The following NTM variants were observed in gnomAD, a reference collection of about 807,000 sequenced individuals.
NTM encodes IgLON family member 2.
In NTM, 13 loss-of-function variants were observed where a neutral mutation model predicts 42.1. The observed-to-expected ratio is 0.31, with a 90% CI of 0.20 to 0.49. The LOEUF is 0.49. NTM is among the 20% of genes least tolerant of loss of function. The pLI is 0.99. For missense variants in NTM, 373 were observed against 452.8 expected (o/e 0.82, Z 1.60); for synonymous variants, 187 against 179.2 (o/e 1.04, Z -0.35).
chr11:131,507,188 G>A (rs2047589496), intron 1 of NTM, among the ~76,000 whole-genome samples: 1 of 152,206 alleles, frequency 6.6e-6, no homozygotes, highest in African/African-American at 2.4e-5. Flanking sequence ...GGGAACCTAA[G>A]TTGAAATTTG....
At chr11:131,480,711 C>A (rs1953480974) in intron 1 of NTM, among the ~76,000 whole-genome samples, 1 of 152,030 alleles carries the variant, frequency 6.6e-6, no homozygotes, top group Non-Finnish European at 1.5e-5. Context: ...TCTAGCCATT[C>A]CTGAGTAAGG....
chr11:131,568,120 T>C (rs1358632728), intron 1 of NTM, among the ~76,000 whole-genome samples: 3 of 152,214 alleles, frequency 2.0e-5, no homozygotes, highest in Non-Finnish European at 4.4e-5. Context: ...GTTTCAGTGG[T>C]AAGGAAAGTA....
intron 1 of NTM, among the ~76,000 whole-genome samples, chr11:131,646,467 G>A (rs1054782639): frequency 1.3e-5 from 2 of 152,166 alleles, no homozygotes; most frequent in African/African-American, 4.8e-5. Context: ...AGTTTGAAAA[G>A]GAGATCCCCT....
chr11:132,232,602 C>A (rs1017845761), intron 4 of NTM, among the ~76,000 whole-genome samples: 1 of 152,180 alleles, frequency 6.6e-6, no homozygotes, highest in African/African-American at 2.4e-5. Flanking sequence ...TCTTAACAAA[C>A]CAATTAACTT....
In NTM at chr11:131,958,062, G is replaced by A. The variant is rs184818757; in HGVS notation, c.167+46414G>A. ...CGAGAGAATGTTTGATTTAAAGAGC[G>A]CCTAGATGCCGACACCACCTCTGTT... On this transcript the variant is annotated intron_variant, in intron 2 of 8. Coordinates refer to ENST00000683400, the MANE Select transcript of NTM (RefSeq NM_001352005.2). Among the ~76,000 whole-genome samples the A allele has an allele frequency of 3.4e-4, 51 of 152,238 alleles. 1 individual carries two copies. Among genetic ancestry groups the A allele is most frequent in the Admixed American group, 3.0e-3 (46 of 15,296 alleles).
chr11:131,673,642 G>A, intron 1 of NTM, among the ~76,000 whole-genome samples: 1 of 152,142 alleles, frequency 6.6e-6, no homozygotes, highest in East Asian at 1.9e-4. Context: ...CTGCAAAAAT[G>A]CTCTTCCATC....
In NTM at chr11:131,789,625, GA is replaced by G. The variant is rs1457766943; in HGVS notation, c.83-121937del. On this transcript the variant is annotated intron_variant, in intron 1 of 8. Coordinates refer to ENST00000683400, the MANE Select transcript of NTM (RefSeq NM_001352005.2). ...AGAAGAAGAAGAAGAAGAAGAAGAA[GA>G]AGAAGAAGAAAAGAAGAAGAAGAAG... Among the ~76,000 whole-genome samples the G allele has an allele frequency of 3.4e-4, 29 of 85,604 alleles. 5 individuals carry two copies. The highest frequency in any genetic ancestry group is 1.6e-3 in the South Asian group (5 of 3,100). The allele number at this position is 85,604 out of a possible 152,430, so 56.2% of individuals were successfully genotyped here.
chr11:132,050,235 C>T (rs1401986663), intron 2 of NTM, among the ~76,000 whole-genome samples: 1 of 152,084 alleles, frequency 6.6e-6, no homozygotes, highest in African/African-American at 2.4e-5. Context: ...CTAATAGTTA[C>T]CCAGCCAGGG....
At chr11:131,739,261 G>A (rs1340734855) in intron 1 of NTM, among the ~76,000 whole-genome samples, 3 of 151,854 alleles carry the variant, frequency 2.0e-5, no homozygotes, top group African/African-American at 7.3e-5. Flanking sequence ...GCTTTTGTTG[G>A]AATGAAATAA....
Position 132,150,120 on chromosome 11 carries a change from A to G in NTM, c.400+3606A>G, listed in dbSNP as rs75485883. ...GCCTCAGAATGCTTCTATTCGTGGC[A>G]TGGCGTGAAGGGGACCCAGTATATG... On this transcript the variant is annotated intron_variant, in intron 3 of 8. Transcript: ENST00000683400. Among the ~76,000 whole-genome samples, 1,141 of 152,272 alleles carry G rather than the reference A, an allele frequency of 7.5e-3. 20 individuals are homozygous for G. Among genetic ancestry groups the G allele is most frequent in the African/African-American group, 0.026 (1,097 of 41,562 alleles).
intron 1 of NTM, among the ~76,000 whole-genome samples, chr11:131,897,375 T>C (rs2052472367): frequency 6.6e-6 from 1 of 152,170 alleles, no homozygotes. Flanking sequence ...GAGCAAAGGG[T>C]TGGCAATGCC....
intron 1 of NTM, among the ~76,000 whole-genome samples, chr11:131,849,760 C>T (rs1224744870): frequency 2.1e-5 from 3 of 145,164 alleles, no homozygotes; most frequent in Non-Finnish European, 4.5e-5. Flanking sequence ...CTCTGGTTGC[C>T]GGTTAAGACC....
rs543646291 is a variant in NTM, at chr11:132,101,916, T to G, written c.168-44366T>G. Among the ~76,000 whole-genome samples, 7 of 152,322 alleles carry G rather than the reference T, an allele frequency of 4.6e-5. No individual in the cohort carries two copies. The South Asian group carries it at 1.4e-3, about 32-fold the overall frequency. ...CTTGACTGTTTCACATCTAAGATCC[T>G]TGTCATGGCACAAAAAGCTTTCTGT... On this transcript the variant is annotated intron_variant, in intron 2 of 8. Transcript: ENST00000683400.
chr11:132,303,160 G>A (rs2094928998), intron 4 of NTM, among the ~76,000 whole-genome samples: 1 of 152,236 alleles, frequency 6.6e-6, no homozygotes, highest in Admixed American at 6.5e-5. Context: ...GGCACCAAGA[G>A]TTAGGAGACA....
chr11:131,921,795 A>G (rs1009724947), intron 2 of NTM, among the ~76,000 whole-genome samples: 1 of 152,006 alleles, frequency 6.6e-6, no homozygotes, highest in African/African-American at 2.4e-5. Context: ...CAGGGTGGAA[A>G]TGCTTGCCCT....
chr11:131,525,527 G>A (rs2050352942), intron 1 of NTM, among the ~76,000 whole-genome samples: 1 of 152,214 alleles, frequency 6.6e-6, no homozygotes, highest in African/African-American at 2.4e-5. Flanking sequence ...AAGGTAGCCA[G>A]AAGGAGCCTA....
At chr11:132,115,586 C>A (rs1296172155) in intron 2 of NTM, among the ~76,000 whole-genome samples, 1 of 152,142 alleles carries the variant, frequency 6.6e-6, no homozygotes, top group Non-Finnish European at 1.5e-5. Flanking sequence ...GGAGATGACT[C>A]TGTGGGAGGA....
chr11:131,457,966 A>G (rs908168242), intron 1 of NTM, among the ~76,000 whole-genome samples: 1 of 152,182 alleles, frequency 6.6e-6, no homozygotes, highest in African/African-American at 2.4e-5. Flanking sequence ...AGCCTCCAGA[A>G]CTGTGAGAAA....
chr11:131,755,800 C>T (rs1177524818), intron 1 of NTM, among the ~76,000 whole-genome samples: 2 of 152,192 alleles, frequency 1.3e-5, no homozygotes, highest in Admixed American at 6.5e-5. Flanking sequence ...ATTCTAACTC[C>T]AACTTTGTCT....
Sources: gnomAD v4.1 joint callset for allele counts (sites outside exome capture counted in the v4.1 genomes callset) on GRCh38, gnomAD v4.1.1 for gene constraint, MANE v1.5 for transcripts, NCBI Gene and HGNC (gene_info 2026-07-23, HGNC 2026-07-21) for gene names.